The following KIF24 variants were observed in gnomAD, a reference collection of about 807,000 sequenced individuals.
KIF24 encodes kinesin family member 24, also known as kinesin-like protein KIF24.
KIF24 carries 81 observed loss-of-function variants against 118.9 expected under a neutral mutation model. The observed-to-expected ratio is 0.68, with a 90% CI of 0.57 to 0.82. The LOEUF is 0.82. Among genes scored for constraint, KIF24 ranks in the 40% least tolerant of loss-of-function variants. The pLI is 0.00. For missense variants in KIF24, 1,560 were observed against 1,661.6 expected (o/e 0.94, Z 1.06); for synonymous variants, 599 against 610.0 (o/e 0.98, Z 0.27).
intron 6 of KIF24, among the ~76,000 whole-genome samples, 175 bp downstream of exon 6, chr9:34,286,442 G>A (rs1240373900): frequency 2.6e-5 from 4 of 152,150 alleles, no homozygotes; most frequent in Non-Finnish European, 2.9e-5. Flanking sequence ...AAACCCTATA[G>A]AGAAACAAGC....
intron 4 of KIF24, among the ~76,000 whole-genome samples, chr9:34,296,007 CAGG>C (rs1429178741): frequency 9.3e-6 from 1 of 107,836 alleles, no homozygotes; most frequent in Non-Finnish European, 2.5e-5. Context: ...ATCACGAGGT[CAGG>C]AGATCGAGAC....
intron 3 of KIF24, among the ~76,000 whole-genome samples, chr9:34,305,670 CAT>C (rs1315826816): frequency 4.6e-5 from 7 of 152,208 alleles, no homozygotes; most frequent in Non-Finnish European, 1.5e-5. Context: ...GTGGTGCAAT[CAT>C]AGCTCACTGT....
intron 3 of KIF24, among the ~76,000 whole-genome samples, chr9:34,302,775 A>AT (rs745922271): frequency 0.14 from 17,219 of 125,068 alleles, 1,350 homozygotes; most frequent in Non-Finnish European, 0.19. Flanking sequence ...CCACCAGCTA[A>AT]TTTTTTTTTT....
At chr9:34,280,247 G>A (rs1835800393) in intron 6 of KIF24, among the ~76,000 whole-genome samples, 1 of 117,794 alleles carries the variant, frequency 8.5e-6, no homozygotes. Context: ...TCCCGCCACT[G>A]CACTCCAACC....
At chr9:34,319,272 G>A in intron 1 of KIF24, 3 of 1,146,524 alleles carry the variant, frequency 2.6e-6, no homozygotes, top group South Asian at 2.5e-5. Context: ...AAGAGCAGCT[G>A]AAGATCTGGA....
At chr9:34,309,156 T>A (rs1490858743) in intron 2 of KIF24, among the ~76,000 whole-genome samples, 1 of 152,160 alleles carries the variant, frequency 6.6e-6, no homozygotes, top group Non-Finnish European at 1.5e-5. Flanking sequence ...AAAATATCCA[T>A]CCTATCCTTG....
At position 34,271,906 on chromosome 9, in the gene KIF24, G is replaced by A. The variant is rs764224287; in HGVS notation, c.1240C>T (p.Arg414Cys). 5 of 1,601,370 alleles carry A rather than the reference G, an allele frequency of 3.1e-6. No homozygotes were observed. Among genetic ancestry groups the A allele is most frequent in the East Asian group, 2.2e-5 (1 of 44,588 alleles). ...TTAACTCCAGTGGCCCCAGTGCTGCGCTCCTTGCTGCCCTTTAAGATCACC... is the reference window on the plus strand; with the variant it reads ...TTAACTCCAGTGGCCCCAGTGCTGCACTCCTTGCTGCCCTTTAAGATCACC... ...LEVILKGSKE[R>C]STGATGVNAD... The change falls in exon 7 of 13, where the codon CGC (arginine) becomes TGC (cysteine). Residue 414 changes from arginine to cysteine, a missense_variant. Coordinates refer to ENST00000402558, the MANE Select transcript of KIF24 (RefSeq NM_194313.4).
chr9:34,319,527 C>T (rs765035835), intron 1 of KIF24: 16 of 1,211,186 alleles, frequency 1.3e-5, no homozygotes, highest in South Asian at 7.5e-5. Flanking sequence ...CAAGGAGCTG[C>T]GCAGCCCCAA....
chr9:34,328,108 T>C (rs1215320123), intron 1 of KIF24, among the ~76,000 whole-genome samples: 1 of 152,190 alleles, frequency 6.6e-6, no homozygotes, highest in Non-Finnish European at 1.5e-5. Context: ...GCTGTGAATA[T>C]ATAATCCATG....
At chr9:34,270,742 G>T (rs1454395791) in intron 7 of KIF24, among the ~76,000 whole-genome samples, 1 of 151,010 alleles carries the variant, frequency 6.6e-6, no homozygotes, top group African/African-American at 2.4e-5. Context: ...ACAGATGTCA[G>T]CCACCATCAG....
At chr9:34,316,373 T>C (rs370114872) in intron 1 of KIF24, among the ~76,000 whole-genome samples, 1 of 152,214 alleles carries the variant, frequency 6.6e-6, no homozygotes, top group East Asian at 1.9e-4. Context: ...TCTACTGTTT[T>C]GCCCAAGGCA....
At chr9:34,295,860 A>T (rs1836449390) in intron 4 of KIF24, among the ~76,000 whole-genome samples, 1 of 151,932 alleles carries the variant, frequency 6.6e-6, no homozygotes, top group Non-Finnish European at 1.5e-5. Flanking sequence ...TTAAATACTT[A>T]TGCAACAGAG....
chr9:34,287,242 C>T (rs897099826), intron 5 of KIF24, among the ~76,000 whole-genome samples: 1 of 152,222 alleles, frequency 6.6e-6, no homozygotes, highest in African/African-American at 2.4e-5. Flanking sequence ...CCCTGAGCTG[C>T]TGGAGTAAAC....
intron 7 of KIF24, among the ~76,000 whole-genome samples, chr9:34,269,922 CTT>C (rs1461283748): frequency 6.6e-6 from 1 of 151,644 alleles, no homozygotes; most frequent in Middle Eastern, 3.4e-3. Flanking sequence ...GACCCCATCT[CTT>C]AAAAAATTCT....
intron 3 of KIF24, among the ~76,000 whole-genome samples, chr9:34,299,098 C>T (rs1394251056): frequency 6.6e-6 from 1 of 151,486 alleles, no homozygotes. Context: ...TATATATACA[C>T]ACATATATAA....
chr9:34,318,661 G>C lies in KIF24; in HGVS notation c.-25-7290C>G. ...TGGGGCTCGTGTCGCTGGGCGGCAA[G>C]GCGACCACGGCGTCGGAGGCCAAGG... is the stretch of plus-strand genomic sequence containing the variant. On this transcript the variant is annotated intron_variant, in intron 1 of 12. Transcript: ENST00000402558. This position sits in a 1 kb window ranked among gnomAD's most constrained non-coding sequence, Gnocchi z 4.9. The C allele has an allele frequency of 6.5e-7, 1 of 1,538,456 alleles. No individual in the cohort carries two copies. The highest frequency in any genetic ancestry group is 8.8e-7 in the Non-Finnish European group (1 of 1,133,856).
intron 1 of KIF24, among the ~76,000 whole-genome samples, chr9:34,311,678 GTA>G (rs1200399744): frequency 1.3e-4 from 11 of 86,490 alleles, no homozygotes; most frequent in South Asian, 1.1e-3. Flanking sequence ...ACGTGTATAT[GTA>G]TATATATACG....
Position 34,256,355 on chromosome 9 carries a change from G to A in KIF24, c.3252C>T (p.Ser1084=). ...TGTGGCTCACAACTGGGCCCCCTGT[G>A]CTCTCTGCCACTAGACTGTGCGTAG... The part of the protein sequence containing the change: ...DGATHSLVAE[S]TGGPVVSHTV... The change falls in exon 11 of 13, where the codon AGC becomes AGT. Residue 1084 remains serine, a synonymous_variant. Coordinates refer to ENST00000402558, the MANE Select transcript of KIF24 (RefSeq NM_194313.4). 6.2e-7 allele frequency: 1 copy of A among 1,613,754 alleles called. No homozygotes were observed. The highest frequency in any genetic ancestry group is 8.5e-7 in the Non-Finnish European group (1 of 1,179,866).
At chr9:34,282,950 G>A (rs1563946339) in intron 6 of KIF24, among the ~76,000 whole-genome samples, 1 of 149,546 alleles carries the variant, frequency 6.7e-6, no homozygotes, top group African/African-American at 2.5e-5. Context: ...CACTCAGGAG[G>A]TTGAGGCAGG....
Sources: allele counts gnomAD v4.1 joint callset (sites outside exome capture counted in the v4.1 genomes callset), GRCh38; gene constraint gnomAD v4.1.1; non-coding constraint Gnocchi (gnomAD v3.1); transcripts MANE v1.5; gene names NCBI Gene and HGNC (gene_info 2026-07-23, HGNC 2026-07-21).